Variants in ZNF385B observed in about 807,000 individuals in gnomAD.
The protein encoded by ZNF385B is zinc finger protein 385B.
Under a neutral mutation model 39.2 loss-of-function variants are expected in ZNF385B, and 23 were observed. The ratio of observed to expected loss-of-function variants is 0.59; its 90% CI spans 0.42 to 0.83. ZNF385B has a LOEUF of 0.83. ZNF385B is among the 40% of genes least tolerant of loss of function. ZNF385B has a pLI of 0.00. For missense variants in ZNF385B, 552 were observed against 598.9 expected (o/e 0.92, Z 0.82); for synonymous variants, 205 against 222.6 (o/e 0.92, Z 0.70).
chr2:179,755,707 G>C (rs2106477666), intron 3 of ZNF385B, among the ~76,000 whole-genome samples: 1 of 152,242 alleles, frequency 6.6e-6, no homozygotes, highest in Non-Finnish European at 1.5e-5. Flanking sequence ...TGTCTCTTTT[G>C]ATCTTTGTTG....
At chr2:179,716,774 CT>C (rs1289070795) in intron 3 of ZNF385B, among the ~76,000 whole-genome samples, 2 of 152,130 alleles carry the variant, frequency 1.3e-5, no homozygotes, top group Non-Finnish European at 2.9e-5. Flanking sequence ...GCTTGGACCC[CT>C]GAGCCACCGT....
intron 3 of ZNF385B, among the ~76,000 whole-genome samples, chr2:179,616,113 A>G (rs1317444197): frequency 6.6e-6 from 1 of 152,168 alleles, no homozygotes; most frequent in Non-Finnish European, 1.5e-5. Flanking sequence ...AGAGGCTTAC[A>G]TATTAGCTGT....
intron 1 of ZNF385B, among the ~76,000 whole-genome samples, chr2:179,855,906 C>A (rs1308730006): frequency 1.3e-5 from 2 of 152,156 alleles, no homozygotes; most frequent in African/African-American, 2.4e-5. Context: ...AGTTAAGTAA[C>A]CCCTGCCCCA....
At chr2:179,491,658 ATT>A (rs1188375628) in intron 5 of ZNF385B, among the ~76,000 whole-genome samples, 1 of 152,172 alleles carries the variant, frequency 6.6e-6, no homozygotes, top group Non-Finnish European at 1.5e-5. Context: ...ACCTTTAGAG[ATT>A]TAATAAAACA....
chr2:179,495,922 C>T (rs1376299891), intron 5 of ZNF385B, among the ~76,000 whole-genome samples: 1 of 152,096 alleles, frequency 6.6e-6, no homozygotes, highest in East Asian at 1.9e-4. Context: ...ACCTAAATAC[C>T]TAACTCTTCA....
intron 6 of ZNF385B, among the ~76,000 whole-genome samples, chr2:179,449,327 A>G (rs1022505343): frequency 6.6e-6 from 1 of 152,156 alleles, no homozygotes; most frequent in Non-Finnish European, 1.5e-5. Context: ...TAAGCATAGA[A>G]TAGGGTTGAA....
chr2:179,601,761 T>C (rs1045168510), intron 3 of ZNF385B, among the ~76,000 whole-genome samples: 1 of 152,090 alleles, frequency 6.6e-6, no homozygotes, highest in Non-Finnish European at 1.5e-5. Context: ...AACTATAAGG[T>C]CCCTTAAAGA....
chr2:179,738,901 C>A (rs1445108402), intron 3 of ZNF385B, among the ~76,000 whole-genome samples: 1 of 152,166 alleles, frequency 6.6e-6, no homozygotes, highest in Admixed American at 6.5e-5. Flanking sequence ...GATATTCAAC[C>A]AGTTACAAAT....
At chr2:179,580,287 C>T (rs977978264) in intron 3 of ZNF385B, among the ~76,000 whole-genome samples, 1 of 152,070 alleles carries the variant, frequency 6.6e-6, no homozygotes, top group Non-Finnish European at 1.5e-5. Context: ...GCCATTAAAC[C>T]AGAGATCTCA....
At chr2:179,470,158 T>C (rs569826832) in intron 6 of ZNF385B, among the ~76,000 whole-genome samples, 1 of 152,264 alleles carries the variant, frequency 6.6e-6, no homozygotes, top group South Asian at 2.1e-4. Flanking sequence ...TTCTGTTACT[T>C]GGGGACACTG....
chr2:179,847,828 C>A (rs1257379074), intron 1 of ZNF385B, among the ~76,000 whole-genome samples: 3 of 152,200 alleles, frequency 2.0e-5, no homozygotes, highest in Non-Finnish European at 2.9e-5. Context: ...GTGAAATATT[C>A]ATTGCACCTA....
intron 1 of ZNF385B, among the ~76,000 whole-genome samples, chr2:179,795,159 G>T (rs1361269142): frequency 6.6e-6 from 1 of 151,962 alleles, no homozygotes; most frequent in Non-Finnish European, 1.5e-5. Context: ...AAGAAAAGAG[G>T]GGTAACTAGG....
chr2:179,558,280 A>G (rs2105951258), intron 3 of ZNF385B, among the ~76,000 whole-genome samples: 1 of 152,286 alleles, frequency 6.6e-6, no homozygotes, highest in Non-Finnish European at 1.5e-5. Context: ...AGCTGCTGCT[A>G]TAAATTCTAG....
At chr2:179,574,668 T>C (rs1327660482) in intron 3 of ZNF385B, among the ~76,000 whole-genome samples, 1 of 152,194 alleles carries the variant, frequency 6.6e-6, no homozygotes, top group African/African-American at 2.4e-5. Context: ...GAAGTTAATC[T>C]GAAGTCATAC....
chr2:179,708,729 T>C (rs555995469), intron 3 of ZNF385B, among the ~76,000 whole-genome samples: 5 of 152,268 alleles, frequency 3.3e-5, no homozygotes, highest in South Asian at 4.2e-4. Flanking sequence ...ATGGACACTG[T>C]AGTACAGCTG....
intron 3 of ZNF385B, among the ~76,000 whole-genome samples, chr2:179,651,701 T>C (rs143686470): frequency 1.6e-4 from 24 of 152,246 alleles, no homozygotes; most frequent in African/African-American, 5.8e-4. Flanking sequence ...CCTCCAAATA[T>C]GGATCTGTAA....
intron 1 of ZNF385B, among the ~76,000 whole-genome samples, chr2:179,783,742 G>A (rs80268211): frequency 0.14 from 21,060 of 152,070 alleles, 1,914 homozygotes; most frequent in East Asian, 0.49. Flanking sequence ...AATGTGACTG[G>A]TCATTAGAGA....
rs187781780 is a variant in ZNF385B, at chr2:179,587,880, C to T, written c.299-42911G>A. On this transcript the variant is annotated intron_variant, in intron 3 of 9. Coordinates refer to ENST00000410066, the MANE Select transcript of ZNF385B (RefSeq NM_152520.6). Reference sequence around the variant, plus strand: ...TCTATTTTCTCCTAATAATAAGTCCCGTTCTTTAATCTGTGAAATAAAACA... The same window carrying T: ...TCTATTTTCTCCTAATAATAAGTCCTGTTCTTTAATCTGTGAAATAAAACA... 3.9e-5 allele frequency among the ~76,000 whole-genome samples: 6 copies of T among 152,256 alleles called. No individual in the cohort carries two copies. In the East Asian group the frequency reaches 9.7e-4, roughly 24 times the overall value.
At chr2:179,467,408 T>C (rs2052187449) in intron 6 of ZNF385B, among the ~76,000 whole-genome samples, 2 of 152,228 alleles carry the variant, frequency 1.3e-5, no homozygotes. Context: ...GGACCACCTT[T>C]GGAAACAGAA....
Sources: allele counts gnomAD v4.1 joint callset (sites outside exome capture counted in the v4.1 genomes callset), GRCh38; gene constraint gnomAD v4.1.1; transcripts MANE v1.5; gene names NCBI Gene and HGNC (gene_info 2026-07-23, HGNC 2026-07-21).